Variants in ATP13A4 observed in about 807,000 individuals in gnomAD.
ATP13A4 encodes the protein probable cation-transporting ATPase 13A4.
ATP13A4 carries 114 observed loss-of-function variants against 142.5 expected under a neutral mutation model. The observed-to-expected ratio is 0.80, with a 90% CI of 0.69 to 0.93. The LOEUF (loss-of-function observed/expected upper bound fraction) is 0.93, where lower values mean the gene tolerates loss of function less well. ATP13A4 is among the 40% of genes least tolerant of loss of function. The pLI, the probability that ATP13A4 is intolerant of heterozygous loss-of-function variation, is 0.00. For synonymous variants in ATP13A4, 488 were observed against 514.8 expected (o/e 0.95, Z 0.70); for missense variants, 1,392 against 1,454.0 (o/e 0.96, Z 0.69).
intron 2 of ATP13A4, among the ~76,000 whole-genome samples, chr3:193,503,994 C>CGTGTGTGTGT (rs1491532980): frequency 2.2e-4 from 24 of 108,210 alleles, no homozygotes; most frequent in African/African-American, 6.7e-4. Flanking sequence ...GTTCTGTGTG[C>CGTGTGTGTGT]ATGTGTGTGT....
intron 8 of ATP13A4, among the ~76,000 whole-genome samples, chr3:193,473,404 G>C (rs2108649555): frequency 6.6e-6 from 1 of 152,252 alleles, no homozygotes; most frequent in Non-Finnish European, 1.5e-5. Context: ...AATTAATGTA[G>C]AAGGAGAGAT....
At chr3:193,551,885 G>A (rs888891443) in intron 1 of ATP13A4, among the ~76,000 whole-genome samples, 5 of 152,072 alleles carry the variant, frequency 3.3e-5, no homozygotes, top group South Asian at 2.1e-4. Context: ...GTCTCATTTC[G>A]CAGTTAAAGA....
At chr3:193,498,530 C>A (rs1043844263) in intron 3 of ATP13A4, among the ~76,000 whole-genome samples, 5 of 152,180 alleles carry the variant, frequency 3.3e-5, no homozygotes, top group Admixed American at 3.3e-4. Context: ...TGTCACAGAG[C>A]AATGGTTATT....
At chr3:193,484,222 A>T (rs2108658899) in intron 7 of ATP13A4, among the ~76,000 whole-genome samples, 1 of 152,184 alleles carries the variant, frequency 6.6e-6, no homozygotes, top group South Asian at 2.1e-4. Context: ...TTTCTTCAGC[A>T]GAAAGGAATT....
chr3:193,436,875 C>A lies in ATP13A4; in HGVS notation c.2673-1131G>T, dbSNP rs866890889. Among the ~76,000 whole-genome samples, 27 of 140,678 alleles carry A rather than the reference C, an allele frequency of 1.9e-4. 4 individuals carry two copies. Among genetic ancestry groups the A allele is most frequent in the African/African-American group, 8.6e-4 (27 of 31,510 alleles). 92.3% of individuals were successfully genotyped at this position (140,678 alleles called of 152,430 possible). A position where few individuals can be genotyped will look rare whatever the true frequency, so the allele number is the denominator to read the frequency against. On this transcript the variant is annotated intron_variant, in intron 23 of 29. Coordinates refer to ENST00000342695, the MANE Select transcript of ATP13A4 (RefSeq NM_032279.4). ...ATCCCAGCACTTTGGGAGGCCGAGG[C>A]GGGCGGATCACGAGGTCAGGAGATC... is the stretch of plus-strand genomic sequence containing the variant.
intron 26 of ATP13A4, among the ~76,000 whole-genome samples, chr3:193,413,838 C>A (rs1486361874): frequency 6.6e-6 from 1 of 152,152 alleles, no homozygotes; most frequent in Non-Finnish European, 1.5e-5. Flanking sequence ...TTATCAGGAG[C>A]TTTTGATTTC....
chr3:193,580,534 A>C (rs1161561168), intron 2 of ATP13A4, among the ~76,000 whole-genome samples: 2 of 152,206 alleles, frequency 1.3e-5, no homozygotes, highest in African/African-American at 4.8e-5. Context: ...CTAGCAAGCT[A>C]GTATACGTAC....
At chr3:193,565,318 G>A (rs531271529) in intron 2 of ATP13A4, among the ~76,000 whole-genome samples, 5 of 152,118 alleles carry the variant, frequency 3.3e-5, no homozygotes, top group Non-Finnish European at 7.4e-5. Flanking sequence ...TGCTTAGCAG[G>A]GAATCAATGT....
At chr3:193,417,310 C>G (rs1244955554) in intron 25 of ATP13A4, among the ~76,000 whole-genome samples, 2 of 152,190 alleles carry the variant, frequency 1.3e-5, no homozygotes, top group African/African-American at 4.8e-5. Context: ...GTAACTATAT[C>G]AGCTATCAGC....
At chr3:193,407,510 G>A (rs1714564655) in intron 28 of ATP13A4, 117 bp from the exon 29 acceptor site, 3 of 720,620 alleles carry the variant, frequency 4.2e-6, no homozygotes, top group Non-Finnish European at 2.4e-6. Context: ...ATATATATGT[G>A]TGTATATTAC....
chr3:193,509,498 G>A (rs984165522), intron 2 of ATP13A4, among the ~76,000 whole-genome samples: 4 of 152,170 alleles, frequency 2.6e-5, no homozygotes, highest in Non-Finnish European at 5.9e-5. Context: ...GATATTTACT[G>A]GGTTGTAAAG....
At chr3:193,455,114 G>A (rs1026080440) in intron 16 of ATP13A4, among the ~76,000 whole-genome samples, 1 of 151,996 alleles carries the variant, frequency 6.6e-6, no homozygotes, top group Non-Finnish European at 1.5e-5. Flanking sequence ...CGAGGTGGGC[G>A]GATTATGAGG....
In ATP13A4 at chr3:193,551,104, C is replaced by T. The variant is rs115982577; in HGVS notation, c.60+3636G>A. Among the ~76,000 whole-genome samples, 578 of 152,252 alleles carry T rather than the reference C, an allele frequency of 3.8e-3. 5 individuals are homozygous for T. The highest frequency in any genetic ancestry group is 0.013 in the African/African-American group (544 of 41,556). On this transcript the variant is annotated intron_variant, in intron 1 of 29. Transcript: ENST00000342695. ...CCTCTCCATTTATAAGTGGTCTCTACGGCCTATGAATAAAAGTACATATTC... is the reference window on the plus strand; with the variant it reads ...CCTCTCCATTTATAAGTGGTCTCTATGGCCTATGAATAAAAGTACATATTC...
intron 1 of ATP13A4, among the ~76,000 whole-genome samples, chr3:193,549,794 T>G (rs1723443460): frequency 4.6e-5 from 7 of 152,052 alleles, no homozygotes. Flanking sequence ...ATCACACCAT[T>G]GCACTCCAAC....
At chr3:193,520,612 G>A (rs951707597) in intron 1 of ATP13A4, among the ~76,000 whole-genome samples, 1 of 152,146 alleles carries the variant, frequency 6.6e-6, no homozygotes, top group African/African-American at 2.4e-5. Flanking sequence ...CCAGTCTCCT[G>A]CTCTAGTCCA....
intron 13 of ATP13A4, among the ~76,000 whole-genome samples, chr3:193,462,064 A>T (rs868526009): frequency 1.2e-4 from 19 of 152,238 alleles, no homozygotes; most frequent in Middle Eastern, 6.8e-3. Context: ...CCTACTAAAA[A>T]TACAAAAATT....
intron 2 of ATP13A4, among the ~76,000 whole-genome samples, chr3:193,504,216 G>C (rs188216113): frequency 1.8e-4 from 27 of 152,220 alleles, no homozygotes; most frequent in Admixed American, 3.9e-4. Context: ...AGTTAAGAAT[G>C]ATGAGCCTAA....
chr3:193,449,393 C>G (rs140965107), intron 17 of ATP13A4, among the ~76,000 whole-genome samples: 86 of 152,312 alleles, frequency 5.6e-4, no homozygotes, highest in Admixed American at 9.2e-4. Context: ...TTGCCTGTCT[C>G]AATAGTGGGT....
chr3:193,582,852 C>A (rs1724592026), intron 1 of ATP13A4, among the ~76,000 whole-genome samples: 4 of 14,092 alleles, frequency 2.8e-4, no homozygotes, highest in Admixed American at 1.3e-3. Flanking sequence ...ATGTATATTA[C>A]ATATATAAAA....
Sources: allele counts gnomAD v4.1 joint callset (sites outside exome capture counted in the v4.1 genomes callset), GRCh38; gene constraint gnomAD v4.1.1; transcripts MANE v1.5; gene names NCBI Gene and HGNC (gene_info 2026-07-23, HGNC 2026-07-21).